The following NHSL1 variants were observed in gnomAD, a reference collection of about 807,000 sequenced individuals.
NHSL1 encodes NHS-like protein 1.
NHSL1 carries 48 observed loss-of-function variants against 95.0 expected under a neutral mutation model. That is an observed-to-expected ratio of 0.51 (90% CI 0.40 to 0.64). The LOEUF (loss-of-function observed/expected upper bound fraction) is 0.64. Among genes scored for constraint, NHSL1 ranks in the 30% least tolerant of loss-of-function variants. The pLI, the probability that NHSL1 is intolerant of heterozygous loss-of-function variation, is 0.00. For missense variants in NHSL1, 1,971 were observed against 2,077.7 expected (o/e 0.95, Z 1.00); for synonymous variants, 783 against 833.9 (o/e 0.94, Z 1.05).
intron 1 of NHSL1, chr6:138,650,970 G>T (rs779764103): frequency 1.2e-5 from 6 of 520,024 alleles, no homozygotes; most frequent in Non-Finnish European, 2.3e-5. Context: ...TTCCTCCCCA[G>T]CACATAAGGC....
intron 1 of NHSL1, among the ~76,000 whole-genome samples, chr6:138,684,746 G>A (rs1015010697): frequency 1.3e-5 from 2 of 152,098 alleles, no homozygotes. Context: ...TTCTACCTTT[G>A]CCCAAAGTGC....
chr6:138,566,399 A>AAATCAATCAATC (rs61127642), intron 1 of NHSL1, among the ~76,000 whole-genome samples: 14 of 149,766 alleles, frequency 9.3e-5, no homozygotes, highest in African/African-American at 1.8e-4. Flanking sequence ...CTCTGTCTCA[A>AAATCAATCAATC]AATCAATCAA....
At chr6:138,505,516 G>A (rs1026921942) in intron 1 of NHSL1, among the ~76,000 whole-genome samples, 1 of 151,960 alleles carries the variant, frequency 6.6e-6, no homozygotes, top group Non-Finnish European at 1.5e-5. Context: ...TTAGCCAGGT[G>A]TGGTGGCACG....
At chr6:138,602,878 A>C (rs1247363019) in intron 1 of NHSL1, among the ~76,000 whole-genome samples, 2 of 152,216 alleles carry the variant, frequency 1.3e-5, no homozygotes, top group African/African-American at 4.8e-5. Context: ...CCATGCCTTC[A>C]AGGGACTGTG....
intron 1 of NHSL1, among the ~76,000 whole-genome samples, chr6:138,504,577 G>A (rs1026518791): frequency 2.0e-5 from 3 of 152,202 alleles, no homozygotes; most frequent in African/African-American, 7.2e-5. Flanking sequence ...CAGCCCTGTG[G>A]GGAAAGGTGG....
upstream of NHSL1, among the ~76,000 whole-genome samples, chr6:138,693,082 C>T (rs1299131754): frequency 2.0e-5 from 3 of 151,136 alleles, no homozygotes; most frequent in East Asian, 5.9e-4. This position sits in a 1 kb window ranked among gnomAD's most constrained non-coding sequence, Gnocchi z 4.3. Context: ...CAGCTCTGGG[C>T]GGCGGCGGCC....
chr6:138,488,210 G>A (rs1779835962), intron 2 of NHSL1, among the ~76,000 whole-genome samples: 1 of 151,448 alleles, frequency 6.6e-6, no homozygotes, highest in African/African-American at 2.4e-5. Flanking sequence ...CCTAGGAGGC[G>A]GAGGTTGCAG....
chr6:138,605,150 C>G (rs1784416698), intron 1 of NHSL1, among the ~76,000 whole-genome samples: 1 of 152,200 alleles, frequency 6.6e-6, no homozygotes, highest in Non-Finnish European at 1.5e-5. Flanking sequence ...AGAAAACTGA[C>G]TGGCATGAAG....
intron 1 of NHSL1, among the ~76,000 whole-genome samples, chr6:138,516,374 TG>T (rs1311434863): frequency 9.9e-5 from 15 of 152,148 alleles, no homozygotes; most frequent in African/African-American, 3.6e-4. Context: ...CCAATGATCA[TG>T]TAGATACCAT....
At chr6:138,566,963 T>C (rs747509289) in intron 1 of NHSL1, among the ~76,000 whole-genome samples, 8 of 152,206 alleles carry the variant, frequency 5.3e-5, no homozygotes, top group Non-Finnish European at 1.2e-4. Flanking sequence ...ATTTTTCCGA[T>C]ATATGTAGTA....
intron 3 of NHSL1, among the ~76,000 whole-genome samples, chr6:138,461,040 A>T (rs117704929): frequency 6.6e-6 from 1 of 152,166 alleles, no homozygotes; most frequent in Non-Finnish European, 1.5e-5. Context: ...GAAGTTGCCG[A>T]AGGTGCGAGA....
At chr6:138,560,554 G>A (rs9495131) in intron 1 of NHSL1, among the ~76,000 whole-genome samples, 2,995 of 152,168 alleles carry the variant, frequency 0.02, 97 homozygotes, top group African/African-American at 0.068. Flanking sequence ...ATGACTTTAC[G>A]GTAGAAATCA....
chr6:138,608,285 G>A (rs1005910872), intron 1 of NHSL1, among the ~76,000 whole-genome samples: 1 of 152,194 alleles, frequency 6.6e-6, no homozygotes, highest in Non-Finnish European at 1.5e-5. Context: ...GATAAAGGAA[G>A]TCAGTTTCCA....
chr6:138,438,009 T>G (rs1776298561), intron 5 of NHSL1, among the ~76,000 whole-genome samples: 1 of 152,198 alleles, frequency 6.6e-6, no homozygotes, highest in African/African-American at 2.4e-5. Flanking sequence ...CAACAAAGGA[T>G]TCAGAATATT....
intron 1 of NHSL1, among the ~76,000 whole-genome samples, chr6:138,518,660 T>C (rs914371628): frequency 3.3e-5 from 5 of 152,098 alleles, no homozygotes; most frequent in African/African-American, 7.2e-5. Context: ...ACATACTACG[T>C]TCTAATGGGG....
chr6:138,650,954 A>G (rs1785084496), intron 1 of NHSL1: 1 of 531,342 alleles, frequency 1.9e-6, no homozygotes, highest in Non-Finnish European at 3.8e-6. Flanking sequence ...TGGCAGATAG[A>G]GGACCTTCCT....
chr6:138,646,134 T>C (rs1262519956), intron 1 of NHSL1, among the ~76,000 whole-genome samples: 1 of 152,208 alleles, frequency 6.6e-6, no homozygotes, highest in African/African-American at 2.4e-5. Context: ...TGCATCTTTC[T>C]TACTCAAGCA....
At chr6:138,656,840 T>C (rs753828216) in intron 1 of NHSL1, among the ~76,000 whole-genome samples, 3 of 152,212 alleles carry the variant, frequency 2.0e-5, no homozygotes, top group Non-Finnish European at 4.4e-5. Flanking sequence ...AGCCTAAGTA[T>C]ATCCAAGCCT....
chr6:138,466,866 C>T (rs1327620705), intron 3 of NHSL1, among the ~76,000 whole-genome samples: 4 of 151,978 alleles, frequency 2.6e-5, no homozygotes, highest in African/African-American at 7.2e-5. Context: ...GGTGGATCAC[C>T]TGAGATCAGG....
Sources: gnomAD v4.1 joint callset for allele counts (sites outside exome capture counted in the v4.1 genomes callset) on GRCh38, gnomAD v4.1.1 for gene constraint, Gnocchi (gnomAD v3.1) non-coding constraint, MANE v1.5 for transcripts, NCBI Gene and HGNC (gene_info 2026-07-23, HGNC 2026-07-21) for gene names.